Variants in TMLHE observed in about 807,000 individuals in gnomAD.
TMLHE encodes trimethyllysine hydroxylase, epsilon.
Under a neutral mutation model 25.7 loss-of-function variants are expected in TMLHE, and 18 were observed. The observed-to-expected ratio is 0.70, with a 90% CI of 0.48 to 1.04. The LOEUF is 1.04. Ranked by LOEUF, TMLHE falls within the 50% of genes least tolerant of loss-of-function variation. The pLI is 0.00. For synonymous variants in TMLHE, 105 were observed against 97.0 expected, an observed-to-expected ratio of 1.08 and a Z score of -0.49; for missense variants, 236 against 259.0, an observed-to-expected ratio of 0.91 and a Z score of 0.61.
At chrX:155,543,287 T>C (rs1451436251) in intron 2 of TMLHE, among the ~76,000 whole-genome samples, 1 of 111,477 alleles carries the variant, frequency 9.0e-6, no homozygotes, top group African/African-American at 3.3e-5. Flanking sequence ...GAAATAATCT[T>C]ATATATAGAA....
intron 4 of TMLHE, among the ~76,000 whole-genome samples, chrX:155,513,325 A>C (rs1374265641): frequency 8.9e-6 from 1 of 111,763 alleles, no homozygotes; most frequent in Admixed American, 9.5e-5. Context: ...AACCTGGGCT[A>C]TTTGAATTCA....
At chrX:155,544,928 A>G (rs1266449886) in intron 2 of TMLHE, among the ~76,000 whole-genome samples, 168 bp downstream of exon 2, 3 of 112,393 alleles carry the variant, frequency 2.7e-5, no homozygotes, top group Non-Finnish European at 5.6e-5. Context: ...GGTATTTATC[A>G]TTGCATAACA....
chrX:155,531,492 C>A (rs1183076432), intron 2 of TMLHE, among the ~76,000 whole-genome samples: 1 of 110,769 alleles, frequency 9.0e-6, no homozygotes, highest in African/African-American at 3.3e-5. Context: ...GGGCAGGCAC[C>A]AAGCCATTCA....
At chrX:155,600,517 A>T (rs2105222) in intron 1 of TMLHE, among the ~76,000 whole-genome samples, 3,493 of 112,020 alleles carry the variant, frequency 0.031, 51 homozygotes, top group Middle Eastern at 0.046. Context: ...TAGAGGCACA[A>T]GACACTTGAC....
rs1246351632 is a variant in TMLHE at position 155,562,242 on chromosome X, C to G, written c.-1-16965G>C. ...CTTCTGTGCACCCACAGGCCCAACA[C>G]CACATGGCAATTACCAGGGCTTGGG... On this transcript the variant is annotated intron_variant, in intron 1 of 7. Coordinates refer to ENST00000334398, the MANE Select transcript of TMLHE (RefSeq NM_018196.4). 3.5e-4 allele frequency among the ~76,000 whole-genome samples: 22 copies of G among 62,176 alleles called. 4 individuals carry two copies. The highest frequency in any genetic ancestry group is 7.5e-4 in the African/African-American group (21 of 28,064). The allele number at this position is 62,176 out of a possible 115,157, so 54.0% of individuals were successfully genotyped here.
At chrX:155,574,542 A>G (rs1250974828) in intron 1 of TMLHE, among the ~76,000 whole-genome samples, 1 of 112,242 alleles carries the variant, frequency 8.9e-6, no homozygotes, top group Non-Finnish European at 1.9e-5. Flanking sequence ...TAAAACGTCC[A>G]GTTTTCCTTA....
chrX:155,548,456 CT>C (rs1557339242), intron 1 of TMLHE, among the ~76,000 whole-genome samples: 11 of 110,877 alleles, frequency 9.9e-5, no homozygotes, highest in Non-Finnish European at 1.3e-4. Context: ...ATCCTACAGG[CT>C]GGGCACGGTG....
At chrX:155,514,985 T>C (rs1354858780) in intron 3 of TMLHE, among the ~76,000 whole-genome samples, 1 of 111,698 alleles carries the variant, frequency 9.0e-6, no homozygotes, top group Non-Finnish European at 1.9e-5. Context: ...TGAAAGACTA[T>C]GTTGACAACT....
chrX:155,543,928 A>T (rs184327973), intron 2 of TMLHE, among the ~76,000 whole-genome samples: 1 of 111,948 alleles, frequency 8.9e-6, no homozygotes, highest in African/African-American at 3.2e-5. Context: ...GAAGCATTAA[A>T]TTTCTCTAGT....
intron 2 of TMLHE, among the ~76,000 whole-genome samples, chrX:155,534,384 C>T (rs1223441020): frequency 9.0e-6 from 1 of 110,983 alleles, no homozygotes; most frequent in Non-Finnish European, 1.9e-5. Flanking sequence ...TAGGTGCCCG[C>T]CACCATGCCC....
In TMLHE at chrX:155,556,627, C is replaced by T. The variant is rs782494556; in HGVS notation, c.-1-11350G>A. 8.1e-4 allele frequency among the ~76,000 whole-genome samples: 88 copies of T among 109,251 alleles called. No individual in the cohort carries two copies. The South Asian group carries it at 0.02, about 25-fold the overall frequency. The allele number at this position is 109,251 out of a possible 115,157, so 94.9% of individuals were successfully genotyped here. On this transcript the variant is annotated intron_variant, in intron 1 of 7. Transcript: ENST00000334398. ...GGCAAGTGGAGGCAGGGCGAGATCA[C>T]AGGACCACAGGACGGAAGCGAAATT...
At chrX:155,524,159 G>C (rs1272111255) in intron 3 of TMLHE, 1 of 213,780 alleles carries the variant, frequency 4.7e-6, no homozygotes, top group Non-Finnish European at 8.4e-6. Context: ...TCAGTACTAT[G>C]ATAAATAAGA....
intron 1 of TMLHE, among the ~76,000 whole-genome samples, chrX:155,550,776 G>A (rs898437385): frequency 4.5e-5 from 5 of 110,266 alleles, no homozygotes; most frequent in African/African-American, 6.7e-5. Flanking sequence ...CTGATGATCC[G>A]GCCCTGCCCC....
chrX:155,555,018 C>T (rs1202897218), intron 1 of TMLHE, among the ~76,000 whole-genome samples: 5 of 109,901 alleles, frequency 4.5e-5, no homozygotes, highest in Non-Finnish European at 7.6e-5. Context: ...TCTCCTAATG[C>T]TATCCCTTCC....
At chrX:155,523,935 C>T (rs2067203669) in intron 3 of TMLHE, among the ~76,000 whole-genome samples, 1 of 111,761 alleles carries the variant, frequency 8.9e-6, no homozygotes, top group African/African-American at 3.2e-5. Flanking sequence ...GGTCATTTTT[C>T]ATTTCAGTTT....
At chrX:155,547,422 C>T (rs782377176) in intron 1 of TMLHE, among the ~76,000 whole-genome samples, 8 of 111,812 alleles carry the variant, frequency 7.2e-5, no homozygotes, top group East Asian at 5.6e-4. Flanking sequence ...GGATTACAGG[C>T]GTGAGCCACC....
chrX:155,510,472 T>G (rs1384541359), intron 5 of TMLHE, among the ~76,000 whole-genome samples: 1 of 97,383 alleles, frequency 1.0e-5, no homozygotes, highest in Non-Finnish European at 2.0e-5. Flanking sequence ...ATTGTTCAAT[T>G]CCCACCTATG....
At chrX:155,520,384 CA>C (rs2067183522) in intron 3 of TMLHE, among the ~76,000 whole-genome samples, 1 of 20,218 alleles carries the variant, frequency 4.9e-5, no homozygotes, top group African/African-American at 1.9e-4. Context: ...TTTCTGCCGA[CA>C]GATCCGCTGT....
At chrX:155,543,039 G>C (rs781788198) in intron 2 of TMLHE, among the ~76,000 whole-genome samples, 1 of 110,283 alleles carries the variant, frequency 9.1e-6, no homozygotes, top group South Asian at 3.9e-4. Flanking sequence ...AATATATTTT[G>C]ATATCAGGTA....
Sources: allele counts gnomAD v4.1 joint callset (sites outside exome capture counted in the v4.1 genomes callset), GRCh38; gene constraint gnomAD v4.1.1; transcripts MANE v1.5; gene names NCBI Gene and HGNC (gene_info 2026-07-23, HGNC 2026-07-21).